Variants in SPO11 observed in about 807,000 individuals in gnomAD.
The protein encoded by SPO11 is SPO11 initiator of meiotic double strand breaks.
SPO11 carries 49 observed loss-of-function variants against 51.6 expected under a neutral mutation model. That is an observed-to-expected ratio of 0.95 (90% CI 0.75 to 1.20). SPO11 has a LOEUF of 1.20. Among genes scored for constraint, SPO11 ranks in the 50% most tolerant of loss-of-function variants. SPO11 has a pLI of 0.00. For missense variants in SPO11, 431 were observed against 473.4 expected, an observed-to-expected ratio of 0.91 and a Z score of 0.83; for synonymous variants, 176 against 158.2, an observed-to-expected ratio of 1.11 and a Z score of -0.84.
chr20:57,339,005 C>G lies in SPO11; in HGVS notation c.861C>G (p.Cys287Trp). The change falls in exon 10 of 13, where the codon TGC becomes TGG. Residue 287 changes from cysteine (C) to tryptophan (W), a missense_variant. By Grantham distance (215) the Cys-to-Trp change is radical. Transcript: ENST00000371263. ...DADPHGIEIMCIYKYGSMSMS... is the reference protein window; with the variant it reads ...DADPHGIEIMWIYKYGSMSMS... ...TTTTAACAGGCATAGAAATAATGTG[C>G]ATCTATAAGTATGGATCTATGGTAA... 1 of 1,489,326 alleles carries G rather than the reference C, an allele frequency of 6.7e-7. No individual in the cohort carries two copies. Among genetic ancestry groups the G allele is most frequent in the Admixed American group, 2.1e-5 (1 of 47,592 alleles). The allele number at this position is 1,489,326 out of a possible 1,614,324, so 92.3% of individuals were successfully genotyped here.
rs769465007 is a variant in SPO11 at position 57,334,849 on chromosome 20, A to G, written c.597+13A>G. 13 of 1,611,080 alleles carry G rather than the reference A, an allele frequency of 8.1e-6. No homozygotes were observed. The African/African-American group carries it at 1.1e-4, about 13-fold the overall frequency. On this transcript the variant is annotated intron_variant, in intron 6 of 12. Transcript: ENST00000371263. Reference sequence around the variant, plus strand: ...CTGTGGTGCAACGGTAAGAAGCATCATTGAAGTTTTCACAGCTTTAACTCT... The same window carrying G: ...CTGTGGTGCAACGGTAAGAAGCATCGTTGAAGTTTTCACAGCTTTAACTCT...
chr20:57,342,757 C>T lies in SPO11; in HGVS notation c.988C>T (p.Pro330Ser), dbSNP rs1375704588. Residue 330 changes from proline to serine, a missense_variant, in exon 12 of 13, where the codon CCA becomes TCA. Transcript: ENST00000371263. ...RLNVPKDSLI[P>S]LTKRDQMKLD... ...AAATGTACCTAAAGATAGTTTGATTCCACTGACAAAAAGGGACCAAATGAA... is the reference window on the plus strand; with the variant it reads ...AAATGTACCTAAAGATAGTTTGATTTCACTGACAAAAAGGGACCAAATGAA... The T allele has an allele frequency of 6.2e-7, 1 of 1,612,872 alleles. No homozygotes were observed.
Position 57,335,854 on chromosome 20 carries a change from C to T in SPO11, c.691C>T (p.Arg231Trp), listed in dbSNP as rs1568760241. The T allele has an allele frequency of 8.1e-6, 13 of 1,613,090 alleles. No individual in the cohort carries two copies. Among genetic ancestry groups the T allele is most frequent in the Admixed American group, 3.3e-5 (2 of 59,890 alleles). ...LIVEKDATFQ[R>W]LLDDNFCNKL... is the part of the protein sequence containing the mutation. ...TGTAGAAAAAGATGCAACATTTCAG[C>T]GGCTCCTAGATGACAACTTTTGCAA... is the stretch of plus-strand genomic sequence containing the variant. Residue 231 changes from arginine (R) to tryptophan (W), a missense_variant, in exon 8 of 13, where the codon CGG (arginine) becomes TGG (tryptophan). By Grantham distance (101) the Arg-to-Trp change is moderately radical. This residue lies in a region of SPO11 where 405 missense variants were observed against 425.9 expected (regional missense o/e 0.95). Coordinates refer to ENST00000371263, the MANE Select transcript of SPO11 (RefSeq NM_012444.3).
chr20:57,343,545 T>C lies in SPO11; in HGVS notation c.*85T>C. ...CAAATACTATTGTGGAAAGAACATA[T>C]ATTATATTCTTAATTCTGTAAAAGT... On this transcript the variant is annotated 3_prime_UTR_variant, in exon 13 of 13. Coordinates refer to ENST00000371263, the MANE Select transcript of SPO11 (RefSeq NM_012444.3). 7.7e-7 allele frequency: 1 copy of C among 1,294,918 alleles called. No individual in the cohort carries two copies. The highest frequency in any genetic ancestry group is 1.1e-6 in the Non-Finnish European group (1 of 950,594). The allele number at this position is 1,294,918 out of a possible 1,614,324, so 80.2% of individuals were successfully genotyped here.
intron 1 of SPO11, among the ~76,000 whole-genome samples, chr20:57,330,381 T>C (rs1211634575): frequency 6.6e-6 from 1 of 152,180 alleles, no homozygotes; most frequent in Non-Finnish European, 1.5e-5. Context: ...AGGGTTTTTT[T>C]TGGTTTTTAT....
At chr20:57,332,432 CAT>C (rs1410844361) in intron 2 of SPO11, among the ~76,000 whole-genome samples, 2 of 152,204 alleles carry the variant, frequency 1.3e-5, no homozygotes, top group Non-Finnish European at 2.9e-5. Flanking sequence ...CCTGCTAAAT[CAT>C]GTGTCCAAAA....
At chr20:57,340,032 G>C in intron 10 of SPO11, 70 bp from the exon 11 acceptor site, 1 of 1,052,796 alleles carries the variant, frequency 9.5e-7, no homozygotes, top group Non-Finnish European at 1.5e-6. Context: ...TGAAAAATTT[G>C]ACTGAAAAAC....
intron 6 of SPO11, 93 bp downstream of exon 6, chr20:57,334,929 T>A: frequency 9.5e-7 from 1 of 1,048,254 alleles, no homozygotes; most frequent in Non-Finnish European, 1.4e-6. Context: ...TTATGTAACC[T>A]AGAGCTTAAG....
At chr20:57,330,369 T>G (rs1359885316) in intron 1 of SPO11, among the ~76,000 whole-genome samples, 1 of 152,198 alleles carries the variant, frequency 6.6e-6, no homozygotes, top group Non-Finnish European at 1.5e-5. Context: ...GGTTAAACTT[T>G]AAGGGTTTTT....
chr20:57,333,925 A>G lies in SPO11; in HGVS notation c.402-62A>G, dbSNP rs1432025712. The stretch of plus-strand genomic sequence containing the variant: ...TAAAGCTTTCTTCAATTAACACTGT[A>G]ATACTTGTCATATTCAAAAAGAATA... On this transcript the variant is annotated intron_variant, in intron 4 of 12. Coordinates refer to ENST00000371263, the MANE Select transcript of SPO11 (RefSeq NM_012444.3). 4.7e-6 allele frequency: 5 copies of G among 1,061,350 alleles called. No homozygotes were observed. The African/African-American group carries it at 6.5e-5, about 14-fold the overall frequency. 65.7% of individuals were successfully genotyped at this position (1,061,350 alleles called of 1,614,324 possible). A position where few individuals can be genotyped will look rare whatever the true frequency, so the allele number is the denominator to read the frequency against.
intron 1 of SPO11, among the ~76,000 whole-genome samples, chr20:57,330,890 T>G (rs1445653342): frequency 6.6e-6 from 1 of 152,224 alleles, no homozygotes; most frequent in Non-Finnish European, 1.5e-5. Context: ...GTTACAGTAT[T>G]ATCCTGCAAC....
chr20:57,333,717 A>G lies in SPO11; in HGVS notation c.365A>G (p.Tyr122Cys). Reference protein sequence around the residue: ...SLILKILSMIYKLVQSNTYAT... With the variant: ...SLILKILSMICKLVQSNTYAT... ...ATCCTTAAAATATTGTCCATGATTT[A>G]TAAATTAGTACAGAGCAACACTTAT... Residue 122 changes from tyrosine to cysteine, a missense_variant, in exon 4 of 13, where the codon TAT becomes TGT. Physicochemically the swap from Tyr to Cys is radical, Grantham distance 194. Coordinates refer to ENST00000371263, the MANE Select transcript of SPO11 (RefSeq NM_012444.3). 6.6e-7 allele frequency: 1 copy of G among 1,513,682 alleles called. No homozygotes were observed. Among genetic ancestry groups the G allele is most frequent in the South Asian group, 1.2e-5 (1 of 85,750 alleles). 93.8% of individuals were successfully genotyped at this position (1,513,682 alleles called of 1,614,324 possible). A position where few individuals can be genotyped will look rare whatever the true frequency, so the allele number is the denominator to read the frequency against.
intron 8 of SPO11, 84 bp downstream of exon 8, chr20:57,335,991 A>G: frequency 1.3e-6 from 1 of 755,700 alleles, no homozygotes; most frequent in Non-Finnish European, 2.2e-6. Flanking sequence ...TATTATCTAC[A>G]CAATGTCCTG....
intron 6 of SPO11, among the ~76,000 whole-genome samples, 156 bp from the exon 7 acceptor site, chr20:57,335,263 C>T (rs1287135368): frequency 2.0e-5 from 3 of 152,116 alleles, no homozygotes; most frequent in Non-Finnish European, 2.9e-5. Flanking sequence ...GGTTTTCTTA[C>T]TGAGGGGTAA....
chr20:57,339,320 C>T (rs370871611), intron 10 of SPO11, among the ~76,000 whole-genome samples: 13 of 152,266 alleles, frequency 8.5e-5, no homozygotes, highest in Non-Finnish European at 1.5e-4. Flanking sequence ...GTGACAACAA[C>T]GCTGTCTGAT....
chr20:57,336,223 A>G (rs1258259168), intron 8 of SPO11, among the ~76,000 whole-genome samples: 1 of 152,194 alleles, frequency 6.6e-6, no homozygotes, highest in African/African-American at 2.4e-5. Context: ...CTTCCTTGAA[A>G]AGCTGAGTGT....
intron 1 of SPO11, among the ~76,000 whole-genome samples, chr20:57,331,297 C>G (rs1407850073): frequency 2.0e-5 from 3 of 152,182 alleles, no homozygotes. Flanking sequence ...TTTTGTATCG[C>G]TAAATTTCAA....
At chr20:57,334,239 C>T in intron 5 of SPO11, 144 bp downstream of exon 5, 1 of 292,294 alleles carries the variant, frequency 3.4e-6, no homozygotes, top group South Asian at 6.9e-5. Flanking sequence ...ACTGCAAGCT[C>T]TGCCTCCTGG....
rs1469921582 is a variant in SPO11 at position 57,342,806 on chromosome 20, CTTATG to C, written c.1041_1045del (p.Val348LeufsTer16). The C allele has an allele frequency of 6.2e-7, 1 of 1,612,980 alleles. No homozygotes were observed. The highest frequency in any genetic ancestry group is 8.5e-7 in the Non-Finnish European group (1 of 1,179,420). Reference sequence around the variant, plus strand: ...AAACTTGACAGTATCCTGAGGAGACCTTATGTTACCTGCCAACCATTTTGGAGAAA... The same window carrying C: ...AAACTTGACAGTATCCTGAGGAGACCTTACCTGCCAACCATTTTGGAGAAA... On this transcript the variant is annotated frameshift_variant, in exon 12 of 13. Transcript: ENST00000371263. LOFTEE classifies it high-confidence loss of function.
Sources: gnomAD v4.1 joint callset for allele counts (sites outside exome capture counted in the v4.1 genomes callset) on GRCh38, gnomAD v4.1.1 for gene constraint, gnomAD v4.1.1 regional missense constraint, MANE v1.5 for transcripts, NCBI Gene and HGNC (gene_info 2026-07-23, HGNC 2026-07-21) for gene names.